OAS1: variants seen among roughly 807,000 people sequenced by gnomAD.
OAS1 encodes 2'-5'-oligoadenylate synthase 1.
Under a neutral mutation model 38.5 loss-of-function variants are expected in OAS1, and 24 were observed. The ratio of observed to expected loss-of-function variants is 0.62; its 90% confidence interval spans 0.45 to 0.88. OAS1 has a LOEUF of 0.88. Ranked by LOEUF, OAS1 falls within the 40% of genes least tolerant of loss-of-function variation. OAS1 has a pLI of 0.00. For missense variants in OAS1, 482 were observed against 493.9 expected, an observed-to-expected ratio of 0.98 and a Z score of 0.23; for synonymous variants, 169 against 193.9, an observed-to-expected ratio of 0.87 and a Z score of 1.07.
chr12:112,909,532 A>C (rs1004736891), intron 2 of OAS1, among the ~76,000 whole-genome samples: 1 of 152,142 alleles, frequency 6.6e-6, no homozygotes, highest in African/African-American at 2.4e-5. Context: ...GTGGTGGTAC[A>C]TGCCTGTGGT....
At chr12:112,919,160 G>A in intron 5 of OAS1, 1 of 495,694 alleles carries the variant, frequency 2.0e-6, no homozygotes. Context: ...TGGGCACCTT[G>A]GGAAAGGGCA....
At chr12:112,921,141 A>G (rs1565966309), downstream of OAS1, among the ~76,000 whole-genome samples, 2 of 152,186 alleles carry the variant, frequency 1.3e-5, no homozygotes, top group South Asian at 4.1e-4. Flanking sequence ...TTTTTGTCCT[A>G]TTTGTAGACT....
chr12:112,929,060 T>A (rs532970966), intron 6 of OAS1, among the ~76,000 whole-genome samples: 1 of 152,348 alleles, frequency 6.6e-6, no homozygotes, highest in African/African-American at 2.4e-5. Flanking sequence ...CAGCTTCTTG[T>A]GAGCATCTCT....
downstream of OAS1, among the ~76,000 whole-genome samples, chr12:112,920,837 T>A (rs1237809923): frequency 6.6e-6 from 1 of 152,054 alleles, no homozygotes; most frequent in Non-Finnish European, 1.5e-5. Context: ...GTGAGATGGG[T>A]TTTGTTGTTA....
downstream of OAS1, chr12:112,919,907 A>T (rs1304228709): frequency 3.2e-5 from 20 of 630,040 alleles, no homozygotes; most frequent in Non-Finnish European, 5.2e-5. Context: ...AATACCATTT[A>T]TTGGGTGTTT....
chr12:112,913,937 T>C (rs2043419369), intron 3 of OAS1, among the ~76,000 whole-genome samples: 1 of 152,204 alleles, frequency 6.6e-6, no homozygotes, highest in African/African-American at 2.4e-5. Flanking sequence ...GACTATTTTT[T>C]TTTATTTTTA....
rs757789086 is a variant in OAS1 at position 112,908,778 on chromosome 12, C to T, written c.423C>T (p.Leu141=). The T allele has an allele frequency of 3.7e-6, 6 of 1,609,214 alleles. No homozygotes were observed. The highest frequency in any genetic ancestry group is 5.1e-6 in the Non-Finnish European group (6 of 1,176,372). The change falls in exon 2 of 6, where the codon CTC becomes CTT. Residue 141 remains leucine (L), a synonymous_variant. Coordinates refer to ENST00000202917, the MANE Select transcript of OAS1 (RefSeq NM_016816.4). Reference sequence around the variant, plus strand: ...GCTTCGTACTGAGTTCGCTCCAGCTCGGGGAGGGGGTGGAGTTCGATGTGC... The same window carrying T: ...GCTTCGTACTGAGTTCGCTCCAGCTTGGGGAGGGGGTGGAGTTCGATGTGC... ...ALSFVLSSLQ[L]GEGVEFDVLP...
At chr12:112,929,898 C>T (rs758717862) in intron 6 of OAS1, among the ~76,000 whole-genome samples, 1 of 152,150 alleles carries the variant, frequency 6.6e-6, no homozygotes, top group African/African-American at 2.4e-5. Context: ...ATGTCAGACT[C>T]TCCCCATTTC....
Position 112,911,244 on chromosome 12 carries a change from C to T in OAS1, c.654+9C>T. The T allele has an allele frequency of 6.2e-7, 1 of 1,607,968 alleles. No individual in the cohort carries two copies. Among genetic ancestry groups the T allele is most frequent in the Non-Finnish European group, 8.5e-7 (1 of 1,176,830 alleles). ...AGCACTGGTACCAAAATGTATGGCC[C>T]TCCCACCAGGCCTGGTGGGTCCTGT... On this transcript the variant is annotated intron_variant, in intron 3 of 5. Transcript: ENST00000202917.
intron 6 of OAS1, among the ~76,000 whole-genome samples, chr12:112,929,985 G>T (rs1420610897): frequency 6.6e-6 from 1 of 152,178 alleles, no homozygotes; most frequent in African/African-American, 2.4e-5. Flanking sequence ...GTAATCCCCA[G>T]TGTTGGAGGT....
chr12:112,929,081 A>C (rs528522228), intron 6 of OAS1, among the ~76,000 whole-genome samples: 1 of 152,306 alleles, frequency 6.6e-6, no homozygotes, highest in Non-Finnish European at 1.5e-5. Context: ...TTGCTGCCAG[A>C]GGGCCCTGTG....
At chr12:112,924,551 A>G (rs2043547824), downstream of OAS1, among the ~76,000 whole-genome samples, 4 of 152,080 alleles carry the variant, frequency 2.6e-5, no homozygotes, top group Admixed American at 2.0e-4. Context: ...CTTTAGTGAC[A>G]GTGACAATGT....
intron 6 of OAS1, among the ~76,000 whole-genome samples, chr12:112,930,616 G>A (rs1345534010): frequency 1.3e-5 from 2 of 152,226 alleles, no homozygotes; most frequent in African/African-American, 4.8e-5. Context: ...ACTGGCCTCA[G>A]TCATCTTGGT....
intron 6 of OAS1, among the ~76,000 whole-genome samples, chr12:112,929,843 C>T (rs1357243760): frequency 6.6e-6 from 1 of 152,152 alleles, no homozygotes; most frequent in Non-Finnish European, 1.5e-5. Flanking sequence ...CTGTGCTTAG[C>T]ACTTAGTGTG....
intron 4 of OAS1, 111 bp downstream of exon 4, chr12:112,916,849 C>T: frequency 1.2e-6 from 1 of 802,316 alleles, no homozygotes; most frequent in Non-Finnish European, 2.1e-6. Context: ...GTGAGAATCT[C>T]CTGTTGCCCA....
intron 3 of OAS1, among the ~76,000 whole-genome samples, chr12:112,915,256 T>C (rs1418835669): frequency 2.0e-5 from 3 of 152,220 alleles, no homozygotes; most frequent in African/African-American, 7.2e-5. Flanking sequence ...TTTCAGGTCT[T>C]AGATTTAAGT....
rs555612736 is a variant in OAS1 at position 112,910,530 on chromosome 12, T to C, written c.470-521T>C. Among the ~76,000 whole-genome samples the C allele has an allele frequency of 1.3e-4, 20 of 151,968 alleles. No individual in the cohort carries two copies. In the East Asian group the frequency reaches 3.9e-3, roughly 29 times the overall value. Reference sequence around the variant, plus strand: ...CTGAGTGGCGAGAAGGAGTGAGCCTTGGGGAGATCTGGAGGTTCTGGGAAG... The same window carrying C: ...CTGAGTGGCGAGAAGGAGTGAGCCTCGGGGAGATCTGGAGGTTCTGGGAAG... On this transcript the variant is annotated intron_variant, in intron 2 of 5. Coordinates refer to ENST00000202917, the MANE Select transcript of OAS1 (RefSeq NM_016816.4).
In OAS1 at chr12:112,909,475, A is replaced by G. The variant is rs528983363; in HGVS notation, c.469+651A>G. Among the ~76,000 whole-genome samples, 4 of 152,266 alleles carry G rather than the reference A, an allele frequency of 2.6e-5. No individual in the cohort carries two copies. The East Asian group carries it at 7.7e-4, about 29-fold the overall frequency. ...GGAGTTCAAGACCAGCCTGGGCAGC[A>G]AAGTGAAACCTCATCTCTACTAAAA... On this transcript the variant is annotated intron_variant, in intron 2 of 5. Transcript: ENST00000202917.
intron 6 of OAS1, among the ~76,000 whole-genome samples, chr12:112,928,707 A>G (rs900490018): frequency 6.6e-6 from 1 of 152,248 alleles, no homozygotes; most frequent in Non-Finnish European, 1.5e-5. Flanking sequence ...ACGTGCCGTC[A>G]CTTCTCACAT....
Sources: gnomAD v4.1 joint callset for allele counts (sites outside exome capture counted in the v4.1 genomes callset) on GRCh38, gnomAD v4.1.1 for gene constraint, MANE v1.5 for transcripts, NCBI Gene and HGNC (gene_info 2026-07-23, HGNC 2026-07-21) for gene names.